ERCC3: variants seen among roughly 807,000 people sequenced by gnomAD.
ERCC3 encodes the protein general transcription and DNA repair factor IIH helicase/translocase subunit XPB.
A neutral mutation model predicts 94.2 loss-of-function variants in ERCC3; 66 were observed. That is an observed-to-expected ratio of 0.70 (90% CI 0.57 to 0.86). ERCC3 has a LOEUF of 0.86. ERCC3 is among the 40% of genes least tolerant of loss of function. ERCC3 has a pLI of 0.00. For missense variants in ERCC3, 829 were observed against 987.1 expected (o/e 0.84, Z 2.15); for synonymous variants, 349 against 369.1 (o/e 0.95, Z 0.63).
In ERCC3 at chr2:127,257,413, C is replaced by G. The variant is rs940516461; in HGVS notation, c.*183G>C. The G allele has an allele frequency of 1.1e-4, 85 of 749,986 alleles. 1 individual carries two copies. Among genetic ancestry groups the G allele is most frequent in the South Asian group, 1.1e-3 (73 of 65,066 alleles). The allele number at this position is 749,986 out of a possible 1,614,324, so 46.5% of individuals were successfully genotyped here. A position where few individuals can be genotyped will look rare whatever the true frequency, so the allele number is the denominator to read the frequency against. ...AAGTTTGAAAAAATATTGTCTCCTC[C>G]TCCTTTATAAAACCCTAGATGACCT... On this transcript the variant is annotated 3_prime_UTR_variant, in exon 15 of 15. Transcript: ENST00000285398. The surrounding 1 kb of genome is among the most constrained non-coding windows in gnomAD (Gnocchi z 5.4).
rs542755176 is a variant in ERCC3, at chr2:127,265,201, G to A, written c.1946-3855C>T. 2.6e-5 allele frequency among the ~76,000 whole-genome samples: 4 copies of A among 152,056 alleles called. No individual in the cohort carries two copies. The East Asian group carries it at 7.7e-4, about 29-fold the overall frequency. ...ATTTCTCCTTATTGATCTGTTCAGG[G>A]TTTCAATTAATTTCTGATTCAATCT... On this transcript the variant is annotated intron_variant, in intron 12 of 14. Coordinates refer to ENST00000285398, the MANE Select transcript of ERCC3 (RefSeq NM_000122.2).
At chr2:127,273,429 C>T (rs763978270) in intron 10 of ERCC3, among the ~76,000 whole-genome samples, 2 of 152,110 alleles carry the variant, frequency 1.3e-5, no homozygotes, top group Non-Finnish European at 2.9e-5. Flanking sequence ...TTTCCCATAA[C>T]ACTAAGTTTT....
Position 127,258,171 on chromosome 2 carries a change from G to A in ERCC3, c.2218-444C>T, listed in dbSNP as rs1050714740. 2.0e-5 allele frequency among the ~76,000 whole-genome samples: 3 copies of A among 152,186 alleles called. No homozygotes were observed. The highest frequency in any genetic ancestry group is 7.2e-5 in the African/African-American group (3 of 41,502). On this transcript the variant is annotated intron_variant, in intron 14 of 14. Transcript: ENST00000285398. This position sits in a 1 kb window ranked among gnomAD's most constrained non-coding sequence, Gnocchi z 4.1. ...TGGTCTCAAACTCCTGGACTCAACT[G>A]ATCCTCCCGCCTAGGCCTCCCAAAG... is the stretch of plus-strand genomic sequence containing the variant.
In ERCC3 at chr2:127,292,651, T is replaced by C. The variant is rs2104780927; in HGVS notation, c.430A>G (p.Ser144Gly). The change falls in exon 3 of 15, where the codon AGC becomes GGC. Residue 144 changes from serine to glycine, a missense_variant. Physicochemically the swap from Ser to Gly is moderately conservative, Grantham distance 56. Coordinates refer to ENST00000285398, the MANE Select transcript of ERCC3 (RefSeq NM_000122.2). ...ATTCCATCAGGGACTCCAGTCTTGC[T>C]GAGCTTCCTGAGGTACTCGGTGATG... ...SDITEYLRKL[S>G]KTGVPDGIMQ... The C allele has an allele frequency of 5.6e-6, 9 of 1,613,314 alleles. No homozygotes were observed. The highest frequency in any genetic ancestry group is 7.6e-6 in the Non-Finnish European group (9 of 1,179,184).
At position 127,281,064 on chromosome 2, in the gene ERCC3, G is replaced by C; in HGVS notation, c.1343-433C>G. 2 of 423,688 alleles carry C rather than the reference G, an allele frequency of 4.7e-6. 1 individual carries two copies. Among genetic ancestry groups the C allele is most frequent in the Non-Finnish European group, 8.3e-6 (2 of 240,690 alleles). 26.2% of individuals were successfully genotyped at this position (423,688 alleles called of 1,614,324 possible). A position where few individuals can be genotyped will look rare whatever the true frequency, so the allele number is the denominator to read the frequency against. On this transcript the variant is annotated intron_variant, in intron 8 of 14. Coordinates refer to ENST00000285398, the MANE Select transcript of ERCC3 (RefSeq NM_000122.2). ...GAATCCCAGCATTCCCCTCACAACA[G>C]TTATCAGTAGAAGTACAGATGGCAA...
In ERCC3 at chr2:127,261,250, A is replaced by G. The variant is rs1193349659; in HGVS notation, c.2042T>C (p.Val681Ala). 5 of 1,610,702 alleles carry G rather than the reference A, an allele frequency of 3.1e-6. No homozygotes were observed. Among genetic ancestry groups the G allele is most frequent in the Non-Finnish European group, 3.4e-6 (4 of 1,176,790 alleles). The change falls in exon 13 of 15, where the codon GTA (valine) becomes GCA (alanine). Residue 681 changes from valine (V) to alanine (A), a missense_variant. Transcript: ENST00000285398. ...AYSTKRQRFL[V>A]DQGYSFKVIT... ...TACCTTGAAGCTATAACCTTGATCT[A>G]CCAAGAATCTCTGCCGCTTGGTTGA...
In ERCC3 at chr2:127,281,841, T is replaced by C. The variant is rs1684924990; in HGVS notation, c.1343-1210A>G. On this transcript the variant is annotated intron_variant, in intron 8 of 14. Coordinates refer to ENST00000285398, the MANE Select transcript of ERCC3 (RefSeq NM_000122.2). ...ATGTCTAAGGAAAGACTGTGCTGGC[T>C]CCAAAATACAGTAGCCAAGAACCTC... Among the ~76,000 whole-genome samples the C allele has an allele frequency of 1.3e-5, 2 of 151,932 alleles. 1 individual carries two copies. Among genetic ancestry groups the C allele is most frequent in the African/African-American group, 4.8e-5 (2 of 41,324 alleles).
rs1255306558 is a variant in ERCC3 at position 127,271,816 on chromosome 2, C to A, written c.1828-363G>T. ...ATATGTCTCCACAAAACCATCCATA[C>A]TCTTACCTGTTGGCCACTGACACCA... On this transcript the variant is annotated intron_variant, in intron 11 of 14. Transcript: ENST00000285398. This position sits in a 1 kb window ranked among gnomAD's most constrained non-coding sequence, Gnocchi z 5.0. Among the ~76,000 whole-genome samples the A allele has an allele frequency of 6.6e-6, 1 of 152,078 alleles. No homozygotes were observed. The highest frequency in any genetic ancestry group is 1.9e-4 in the East Asian group (1 of 5,182).
chr2:127,274,503 C>T lies in ERCC3; in HGVS notation c.1731-1542G>A, dbSNP rs115631663. Among the ~76,000 whole-genome samples the T allele has an allele frequency of 5.8e-3, 877 of 152,294 alleles. 9 individuals carry two copies. Among genetic ancestry groups the T allele is most frequent in the African/African-American group, 0.02 (831 of 41,550 alleles). The stretch of plus-strand genomic sequence containing the variant: ...AGGCCCGTTAGCACCCAGAGCAGTG[C>T]CCATTAATGGATGTACCTCAAAGAG... On this transcript the variant is annotated intron_variant, in intron 10 of 14. Transcript: ENST00000285398. The surrounding 1 kb of genome is among the most constrained non-coding windows in gnomAD (Gnocchi z 4.0).
chr2:127,273,886 G>A (rs1384366761), intron 10 of ERCC3, among the ~76,000 whole-genome samples: 1 of 151,864 alleles, frequency 6.6e-6, no homozygotes, highest in Non-Finnish European at 1.5e-5. Context: ...ATGTGACGGT[G>A]GACAGTTTTT....
At chr2:127,269,417 CTTT>C (rs70985445) in intron 12 of ERCC3, among the ~76,000 whole-genome samples, 4 of 113,564 alleles carry the variant, frequency 3.5e-5, no homozygotes, top group African/African-American at 1.0e-4. Context: ...ATTCTATTCA[CTTT>C]TTTTTTTTTT....
rs201054106 is a variant in ERCC3 at position 127,257,732 on chromosome 2, C to T, written c.2218-5G>A. ...GGTGCCAAAGCGCCGAGATGCCTGCCGGGAAGGGGGAACCAGCCCATGTTA... is the reference window on the plus strand; with the variant it reads ...GGTGCCAAAGCGCCGAGATGCCTGCTGGGAAGGGGGAACCAGCCCATGTTA... On this transcript the variant is annotated splice_polypyrimidine_tract_variant and splice_region_variant and intron_variant, in intron 14 of 14. Coordinates refer to ENST00000285398, the MANE Select transcript of ERCC3 (RefSeq NM_000122.2). This position sits in a 1 kb window ranked among gnomAD's most constrained non-coding sequence, Gnocchi z 5.4. 275 of 1,613,946 alleles carry T rather than the reference C, an allele frequency of 1.7e-4. No homozygotes were observed. Among genetic ancestry groups the T allele is most frequent in the Admixed American group, 1.0e-4 (6 of 59,982 alleles).
intron 8 of ERCC3, among the ~76,000 whole-genome samples, chr2:127,282,423 T>C (rs1684944601): frequency 6.6e-6 from 1 of 152,192 alleles, no homozygotes; most frequent in Admixed American, 6.5e-5. Context: ...TAAATACCTG[T>C]AGAAATAATG....
intron 7 of ERCC3, among the ~76,000 whole-genome samples, chr2:127,287,476 T>C (rs1685117247): frequency 6.6e-6 from 1 of 151,756 alleles, no homozygotes; most frequent in Non-Finnish European, 1.5e-5. Context: ...TTACTAAAAA[T>C]ACAAAAAATT....
In ERCC3 at chr2:127,272,993, G is replaced by A. The variant is rs190221657; in HGVS notation, c.1731-32C>T. The A allele has an allele frequency of 1.9e-3, 2,442 of 1,297,832 alleles. 9 individuals are homozygous for A. Among genetic ancestry groups the A allele is most frequent in the South Asian group, 3.3e-3 (283 of 84,726 alleles). The allele number at this position is 1,297,832 out of a possible 1,614,324, so 80.4% of individuals were successfully genotyped here. A position where few individuals can be genotyped will look rare whatever the true frequency, so the allele number is the denominator to read the frequency against. ...AAGAATGAAGCTGTGTTAGACCACA[G>A]AATAATGCCTCAGTTATCTTGAAAA... On this transcript the variant is annotated intron_variant, in intron 10 of 14. Coordinates refer to ENST00000285398, the MANE Select transcript of ERCC3 (RefSeq NM_000122.2).
intron 10 of ERCC3, among the ~76,000 whole-genome samples, chr2:127,275,255 C>T (rs1684697062): frequency 6.6e-6 from 1 of 152,064 alleles, no homozygotes; most frequent in Admixed American, 6.6e-5. Context: ...GACTTGAACT[C>T]CTGGGCTCAA....
Position 127,291,242 on chromosome 2 carries a change from C to T in ERCC3, c.472-969G>A, listed in dbSNP as rs1474235432. Among the ~76,000 whole-genome samples, 3 of 152,104 alleles carry T rather than the reference C, an allele frequency of 2.0e-5. No homozygotes were observed. The highest frequency in any genetic ancestry group is 7.2e-5 in the African/African-American group (3 of 41,416). ...CACAGTGTTGGTACAAGGTCCTCTC[C>T]TTGGGCACGCTTTCTTTTTTGTTGT... On this transcript the variant is annotated intron_variant, in intron 3 of 14. Transcript: ENST00000285398. The surrounding 1 kb of genome is among the most constrained non-coding windows in gnomAD (Gnocchi z 4.9).
In ERCC3 at chr2:127,264,974, C is replaced by T. The variant is rs1019238291; in HGVS notation, c.1946-3628G>A. On this transcript the variant is annotated intron_variant, in intron 12 of 14. Transcript: ENST00000285398. The surrounding 1 kb of genome is among the most constrained non-coding windows in gnomAD (Gnocchi z 4.4). ...GCAATTCTCCTGCCTCAGCCTTCCA[C>T]GTGGATGGAATTACAGGCACACGCC... is the stretch of plus-strand genomic sequence containing the variant. Among the ~76,000 whole-genome samples the T allele has an allele frequency of 2.0e-5, 3 of 151,476 alleles. No homozygotes were observed. The highest frequency in any genetic ancestry group is 7.3e-5 in the African/African-American group (3 of 41,170).
Position 127,258,099 on chromosome 2 carries a change from CT to C in ERCC3, c.2218-373del, listed in dbSNP as rs921102009. 1.9e-4 allele frequency among the ~76,000 whole-genome samples: 28 copies of C among 147,684 alleles called. No individual in the cohort carries two copies. In the South Asian group the frequency reaches 2.1e-3, roughly 11 times the overall value. On this transcript the variant is annotated intron_variant, in intron 14 of 14. Coordinates refer to ENST00000285398, the MANE Select transcript of ERCC3 (RefSeq NM_000122.2). The surrounding 1 kb of genome is among the most constrained non-coding windows in gnomAD (Gnocchi z 4.1). ...CACTTAATAACAACTTCTGAACAAA[CT>C]TTTTTTTTTTAAGAGAGAAACAGGG...
Sources: allele counts gnomAD v4.1 joint callset (sites outside exome capture counted in the v4.1 genomes callset), GRCh38; gene constraint gnomAD v4.1.1; non-coding constraint Gnocchi (gnomAD v3.1); transcripts MANE v1.5; gene names NCBI Gene and HGNC (gene_info 2026-07-23, HGNC 2026-07-21).